Variants in ACSS2 observed in about 807,000 individuals in gnomAD.
ACSS2 encodes the protein acetyl-coenzyme A synthetase, cytoplasmic.
Under a neutral mutation model 90.6 loss-of-function variants are expected in ACSS2, and 58 were observed. That is an observed-to-expected ratio of 0.64 (90% CI 0.52 to 0.80). ACSS2 has a LOEUF of 0.80. Among genes scored for constraint, ACSS2 ranks in the 30% least tolerant of loss-of-function variants. The probability of loss-of-function intolerance (pLI) is 0.00; values close to 1 mark genes in which losing one functional copy is unlikely to be tolerated. For missense variants in ACSS2, 759 were observed against 912.0 expected, an observed-to-expected ratio of 0.83 and a Z score of 2.16; for synonymous variants, 300 against 330.9, an observed-to-expected ratio of 0.91 and a Z score of 1.01.
intron 9 of ACSS2, 71 bp downstream of exon 9, chr20:34,920,780 G>A: frequency 6.5e-7 from 1 of 1,542,396 alleles, no homozygotes; most frequent in Non-Finnish European, 8.8e-7. Context: ...TCCCAAGGCT[G>A]CTTGGTCTAG....
intron 2 of ACSS2, among the ~76,000 whole-genome samples, chr20:34,898,563 A>G (rs1349613131): frequency 6.6e-6 from 1 of 151,480 alleles, no homozygotes; most frequent in Non-Finnish European, 1.5e-5. Context: ...ACAATCCCTG[A>G]GCTAGACATA....
At chr20:34,908,283 A>G (rs138369999) in intron 2 of ACSS2, among the ~76,000 whole-genome samples, 1 of 152,196 alleles carries the variant, frequency 6.6e-6, no homozygotes, top group Non-Finnish European at 1.5e-5. Context: ...ACTTCTTACT[A>G]TTGCCTACAA....
intron 1 of ACSS2, among the ~76,000 whole-genome samples, chr20:34,878,091 A>T (rs1308550045): frequency 6.6e-6 from 1 of 151,892 alleles, no homozygotes; most frequent in Admixed American, 6.6e-5. Context: ...ACGCCATGAC[A>T]CCCAGCTACT....
At chr20:34,899,584 G>C (rs1269798904) in intron 2 of ACSS2, among the ~76,000 whole-genome samples, 1 of 151,346 alleles carries the variant, frequency 6.6e-6, no homozygotes, top group Admixed American at 6.6e-5. Flanking sequence ...CCGCCTCCCG[G>C]GTTCAAGCGA....
intron 16 of ACSS2, 63 bp from the exon 17 acceptor site, chr20:34,926,813 CT>C: frequency 6.4e-7 from 1 of 1,568,392 alleles, no homozygotes; most frequent in East Asian, 2.2e-5. Context: ...GCCATCTCTA[CT>C]TTGATTTTTG....
chr20:34,909,577 C>G (rs945343539), intron 2 of ACSS2, among the ~76,000 whole-genome samples: 2 of 152,088 alleles, frequency 1.3e-5, no homozygotes, highest in African/African-American at 4.8e-5. Flanking sequence ...AAAAATGAGA[C>G]TATGTAAACA....
At chr20:34,912,598 C>T (rs2080987479) in intron 2 of ACSS2, 1 of 164,118 alleles carries the variant, frequency 6.1e-6, no homozygotes, top group East Asian at 1.8e-4. Context: ...TCAAGAATCC[C>T]CTACTAATTC....
At chr20:34,902,787 A>C (rs1299894163) in intron 2 of ACSS2, among the ~76,000 whole-genome samples, 1 of 151,798 alleles carries the variant, frequency 6.6e-6, no homozygotes, top group Non-Finnish European at 1.5e-5. Context: ...GTGCAGTGGC[A>C]ACATCTCAGC....
At chr20:34,898,014 C>T (rs982662613) in intron 2 of ACSS2, among the ~76,000 whole-genome samples, 1 of 152,080 alleles carries the variant, frequency 6.6e-6, no homozygotes, top group African/African-American at 2.4e-5. Context: ...GGTGGCACGT[C>T]TGGAGTTTGT....
chr20:34,897,778 A>C (rs1317690319), intron 2 of ACSS2, among the ~76,000 whole-genome samples: 4 of 152,080 alleles, frequency 2.6e-5, no homozygotes, highest in Non-Finnish European at 5.9e-5. Flanking sequence ...GCAGTGAGCC[A>C]AGATCATGCC....
intron 2 of ACSS2, among the ~76,000 whole-genome samples, chr20:34,888,845 G>A (rs913409727): frequency 1.3e-5 from 2 of 152,170 alleles, no homozygotes; most frequent in Non-Finnish European, 2.9e-5. Context: ...GCTGCCTGGT[G>A]TGTTTGAAGA....
At chr20:34,919,718 T>C (rs953878436) in intron 8 of ACSS2, 146 bp downstream of exon 8, 4 of 1,258,158 alleles carry the variant, frequency 3.2e-6, no homozygotes, top group Non-Finnish European at 4.3e-6. Context: ...TTGTCTTTTC[T>C]AAATCAAATT....
At chr20:34,876,586 TC>T, upstream of ACSS2, 1 of 1,284,574 alleles carries the variant, frequency 7.8e-7, no homozygotes, top group Non-Finnish European at 9.9e-7. Flanking sequence ...CGGCCTGTTT[TC>T]TCAGTCCCGG....
intron 4 of ACSS2, 29 bp downstream of exon 4, chr20:34,913,525 A>T: frequency 1.2e-4 from 146 of 1,219,854 alleles, no homozygotes; most frequent in Middle Eastern, 3.9e-4. Flanking sequence ...GAAAAGGGGC[A>T]GGCGGGGGGG....
At chr20:34,875,214 C>T, upstream of ACSS2, 1 of 532,210 alleles carries the variant, frequency 1.9e-6, no homozygotes, top group South Asian at 1.4e-5. Context: ...GTAATTAAGC[C>T]CAGGTTGTGG....
At chr20:34,908,888 A>T in intron 2 of ACSS2, 1 of 424,028 alleles carries the variant, frequency 2.4e-6, no homozygotes, top group Non-Finnish European at 4.6e-6. Context: ...AAAAGCACAC[A>T]TCTCTTGAAC....
chr20:34,900,530 G>A (rs1156988470), intron 2 of ACSS2, among the ~76,000 whole-genome samples: 1 of 152,048 alleles, frequency 6.6e-6, no homozygotes, highest in Non-Finnish European at 1.5e-5. Context: ...CAATAGGTGA[G>A]GAATCAATGT....
At chr20:34,877,589 G>C (rs1478483086) in intron 1 of ACSS2, among the ~76,000 whole-genome samples, 1 of 151,912 alleles carries the variant, frequency 6.6e-6, no homozygotes, top group African/African-American at 2.4e-5. Flanking sequence ...AGGCCGAGGC[G>C]GGCGGATCAC....
chr20:34,911,401 T>C (rs1906349966), intron 2 of ACSS2, among the ~76,000 whole-genome samples: 1 of 151,938 alleles, frequency 6.6e-6, no homozygotes, highest in South Asian at 2.1e-4. Context: ...TTGGTCAGGC[T>C]GGTCTTGAGC....
Sources: gnomAD v4.1 joint callset for allele counts (sites outside exome capture counted in the v4.1 genomes callset) on GRCh38, gnomAD v4.1.1 for gene constraint, MANE v1.5 for transcripts, NCBI Gene and HGNC (gene_info 2026-07-23, HGNC 2026-07-21) for gene names.